PKD1L1: variants seen among roughly 807,000 people sequenced by gnomAD.
The protein encoded by PKD1L1 is polycystin 1 like 1, transient receptor potential channel interacting, also known as polycystin-1-like protein 1.
In PKD1L1, 236 loss-of-function variants were observed where a neutral mutation model predicts 323.4. The observed-to-expected ratio is 0.73, with a 90% CI of 0.66 to 0.81. PKD1L1 has a LOEUF of 0.81. Ranked by LOEUF, PKD1L1 falls within the 40% of genes least tolerant of loss-of-function variation. The pLI, the probability that PKD1L1 is intolerant of heterozygous loss-of-function variation, is 0.00. For synonymous variants in PKD1L1, 1,344 were observed against 1,335.0 expected, an observed-to-expected ratio of 1.01 and a Z score of -0.15; for missense variants, 3,320 against 3,508.0, an observed-to-expected ratio of 0.95 and a Z score of 1.35.
intron 13 of PKD1L1, among the ~76,000 whole-genome samples, chr7:47,900,110 G>T (rs1206479583): frequency 6.6e-6 from 1 of 152,034 alleles, no homozygotes; most frequent in African/African-American, 2.4e-5. Flanking sequence ...ACTTTTTATT[G>T]TTTCTATTCT....
chr7:47,887,863 G>T, intron 17 of PKD1L1, 127 bp downstream of exon 17: 1 of 921,248 alleles, frequency 1.1e-6, no homozygotes, highest in Non-Finnish European at 1.6e-6. Context: ...GAAGCACGAC[G>T]GACCGTTCAC....
At chr7:47,858,553 T>G (rs1785952905) in intron 27 of PKD1L1, 120 bp downstream of exon 27, 2 of 875,284 alleles carry the variant, frequency 2.3e-6, no homozygotes, top group Non-Finnish European at 1.8e-6. Context: ...CCCAGAAGAA[T>G]GAACACAGTA....
In PKD1L1 at chr7:47,846,933, T is replaced by A; in HGVS notation, c.5099A>T (p.Lys1700Ile). ...TGGTTGTGGAGAGAAACGTTCAGAT[T>A]TCCACTCTCTCTTGTCCCAAAACAG... ...RCLFWDKREW[K>I]SERFSPQPGT... Residue 1700 changes from lysine (K) to isoleucine (I), a missense_variant, in exon 32 of 57, where the codon AAA (lysine) becomes ATA (isoleucine). Transcript: ENST00000289672. 3 of 1,613,900 alleles carry A rather than the reference T, an allele frequency of 1.9e-6. No individual in the cohort carries two copies. The highest frequency in any genetic ancestry group is 2.5e-6 in the Non-Finnish European group (3 of 1,179,922).
At chr7:47,904,050 C>A (rs79296396) in intron 12 of PKD1L1, among the ~76,000 whole-genome samples, 1 of 152,190 alleles carries the variant, frequency 6.6e-6, no homozygotes, top group African/African-American at 2.4e-5. Flanking sequence ...TTGCCCAGGA[C>A]CTTGTCACTG....
intron 44 of PKD1L1, 30 bp from the exon 45 acceptor site, chr7:47,827,498 G>A (rs764789923): frequency 8.9e-6 from 14 of 1,571,660 alleles, no homozygotes; most frequent in South Asian, 6.9e-5. Flanking sequence ...TGTGAGCTGC[G>A]GGCTGGTGGG....
intron 1 of PKD1L1, among the ~76,000 whole-genome samples, chr7:47,945,110 A>G (rs1022191951): frequency 2.0e-5 from 3 of 152,150 alleles, no homozygotes; most frequent in Admixed American, 6.5e-5. Context: ...GTTTGAGAGG[A>G]ACGACACAGA....
At chr7:47,950,534 C>A (rs763587011), upstream of PKD1L1, among the ~76,000 whole-genome samples, 2 of 152,010 alleles carry the variant, frequency 1.3e-5, no homozygotes, top group African/African-American at 4.8e-5. Context: ...CTGGAGAAAC[C>A]CCGTCTCTAC....
chr7:47,921,966 G>A (rs1295317955), intron 7 of PKD1L1, among the ~76,000 whole-genome samples: 7 of 136,576 alleles, frequency 5.1e-5, no homozygotes, highest in African/African-American at 1.6e-4. Flanking sequence ...ATGCCAAGCC[G>A]AGGCTGGACT....
chr7:47,803,475 A>C lies in PKD1L1; in HGVS notation c.7828-131T>G, dbSNP rs149874243. The C allele has an allele frequency of 4.2e-3, 4,215 of 1,007,512 alleles. 19 individuals are homozygous for C. Among genetic ancestry groups the C allele is most frequent in the Admixed American group, 5.5e-3 (219 of 39,902 alleles). 62.4% of individuals were successfully genotyped at this position (1,007,512 alleles called of 1,614,324 possible). The stretch of plus-strand genomic sequence containing the variant: ...TGTTATATAGACCCATGAGTCTCCG[A>C]GGGACATCAAGTGCAGATGTCTGCA... On this transcript the variant is annotated intron_variant, in intron 52 of 56. Coordinates refer to ENST00000289672, the MANE Select transcript of PKD1L1 (RefSeq NM_138295.5).
chr7:47,835,969 C>T (rs976973044), intron 37 of PKD1L1, among the ~76,000 whole-genome samples: 1 of 152,204 alleles, frequency 6.6e-6, no homozygotes, highest in African/African-American at 2.4e-5. Context: ...CATCAACCCA[C>T]AAGGTACCAA....
chr7:47,800,384 A>G (rs896769780), intron 54 of PKD1L1, among the ~76,000 whole-genome samples: 1 of 152,156 alleles, frequency 6.6e-6, no homozygotes, highest in African/African-American at 2.4e-5. Context: ...GTGCAGAGTG[A>G]GGGGGGCCAG....
At chr7:47,921,100 C>A (rs1160834819) in intron 7 of PKD1L1, among the ~76,000 whole-genome samples, 1 of 151,982 alleles carries the variant, frequency 6.6e-6, no homozygotes, top group Non-Finnish European at 1.5e-5. Context: ...GCAGACTAAA[C>A]AGACAACCCA....
At chr7:47,808,702 T>C (rs1784832904) in intron 51 of PKD1L1, among the ~76,000 whole-genome samples, 1 of 152,108 alleles carries the variant, frequency 6.6e-6, no homozygotes, top group Admixed American at 6.6e-5. Flanking sequence ...TCTAACTATA[T>C]CTAAGCATCG....
upstream of PKD1L1, among the ~76,000 whole-genome samples, chr7:47,949,734 A>G (rs1286828207): frequency 1.3e-5 from 2 of 152,178 alleles, no homozygotes; most frequent in African/African-American, 4.8e-5. Context: ...GAGTGATACC[A>G]AGAAGAGTGG....
chr7:47,882,045 A>G lies in PKD1L1; in HGVS notation c.3306T>C (p.Ser1102=), dbSNP rs777522975. The G allele has an allele frequency of 3.1e-6, 5 of 1,613,808 alleles. No individual in the cohort carries two copies. Among genetic ancestry groups the G allele is most frequent in the Non-Finnish European group, 4.2e-6 (5 of 1,179,942 alleles). ...TSFPGSGPSL[S]AEESPGDGDN... ...CCCCATCTCCAGGGCTCTCCTCGGC[A>G]CTCAAGCTAGGTCCTGATCCTGGAA... is the stretch of plus-strand genomic sequence containing the variant. Residue 1102 remains serine, a synonymous_variant, in exon 20 of 57, where the codon AGT becomes AGC. Coordinates refer to ENST00000289672, the MANE Select transcript of PKD1L1 (RefSeq NM_138295.5).
chr7:47,830,179 G>A lies in PKD1L1; in HGVS notation c.6474-55C>T, dbSNP rs372082937. The A allele has an allele frequency of 9.2e-5, 133 of 1,443,834 alleles. No individual in the cohort carries two copies. The Middle Eastern group carries it at 1.5e-3, about 16-fold the overall frequency. The allele number at this position is 1,443,834 out of a possible 1,614,324, so 89.4% of individuals were successfully genotyped here. On this transcript the variant is annotated intron_variant, in intron 42 of 56. Coordinates refer to ENST00000289672, the MANE Select transcript of PKD1L1 (RefSeq NM_138295.5). ...CCCCTCTAAGGGAGCAGGCCACCCA[G>A]CAGTCATTGCTGCCTAAGCACAGGG...
At chr7:47,955,290 GA>G in the PKD1L1 span, among the ~76,000 whole-genome samples, 10 of 152,332 alleles carry the variant, frequency 6.6e-5, no homozygotes, top group African/African-American at 2.4e-4. Flanking sequence ...AAAAGAGTCT[GA>G]AGTCCAATGT....
At chr7:47,788,139 G>A (rs117057028) in intron 56 of PKD1L1, among the ~76,000 whole-genome samples, 6,362 of 151,346 alleles carry the variant, frequency 0.042, 224 homozygotes, top group South Asian at 0.13. Context: ...TAAAAATATC[G>A]ATTTCATTTT....
intron 56 of PKD1L1, among the ~76,000 whole-genome samples, chr7:47,792,373 A>T (rs1786970543): frequency 6.6e-6 from 1 of 151,432 alleles, no homozygotes; most frequent in Admixed American, 6.6e-5. Context: ...CTCCTTGTTG[A>T]TTTCAGTTGT....
Sources: allele counts gnomAD v4.1 joint callset (sites outside exome capture counted in the v4.1 genomes callset), GRCh38; gene constraint gnomAD v4.1.1; transcripts MANE v1.5; gene names NCBI Gene and HGNC (gene_info 2026-07-23, HGNC 2026-07-21).